The following C1orf21 variants were observed in gnomAD, a reference collection of about 807,000 sequenced individuals.
C1orf21 encodes the protein uncharacterized protein C1orf21.
Under a neutral mutation model 18.7 loss-of-function variants are expected in C1orf21, and 3 were observed. That is an observed-to-expected ratio of 0.16 (90% CI 0.07 to 0.42). The LOEUF (loss-of-function observed/expected upper bound fraction) is 0.42. C1orf21 is among the 10% of genes least tolerant of loss of function. C1orf21 has a pLI of 0.99. For synonymous variants in C1orf21, 41 were observed against 46.4 expected, an observed-to-expected ratio of 0.88 and a Z score of 0.47; for missense variants, 104 against 143.6, an observed-to-expected ratio of 0.72 and a Z score of 1.41.
At chr1:184,504,434 C>A (rs2101962344) in intron 2 of C1orf21, among the ~76,000 whole-genome samples, 1 of 152,230 alleles carries the variant, frequency 6.6e-6, no homozygotes, top group African/African-American at 2.4e-5. Context: ...CAAATTAATC[C>A]CCCATGTCTT....
At chr1:184,434,201 A>G (rs999550427) in intron 1 of C1orf21, among the ~76,000 whole-genome samples, 1 of 152,154 alleles carries the variant, frequency 6.6e-6, no homozygotes, top group African/African-American at 2.4e-5. Context: ...TGACTCTTGA[A>G]TAAACACTGG....
intron 3 of C1orf21, chr1:184,546,009 A>C (rs984054543): frequency 6.6e-6 from 1 of 152,178 alleles, no homozygotes; most frequent in Admixed American, 6.5e-5. Flanking sequence ...CCTTCTTACT[A>C]TCTGTCAAAT....
chr1:184,409,847 C>G (rs1389061603), intron 1 of C1orf21, among the ~76,000 whole-genome samples: 1 of 152,190 alleles, frequency 6.6e-6, no homozygotes, highest in Non-Finnish European at 1.5e-5. Flanking sequence ...TCTAGCAGCA[C>G]TGCAGAGTAG....
At chr1:184,509,828 G>A (rs1382071841) in intron 3 of C1orf21, among the ~76,000 whole-genome samples, 2 of 152,162 alleles carry the variant, frequency 1.3e-5, no homozygotes, top group African/African-American at 4.8e-5. Context: ...CATTGAAGGG[G>A]CTCAGCAAAC....
rs1659919205 is a variant in C1orf21, at chr1:184,621,714, A to G, written c.*2158A>G. 1.3e-5 allele frequency: 2 copies of G among 152,182 alleles called. No individual in the cohort carries two copies. Among genetic ancestry groups the G allele is most frequent in the Non-Finnish European group, 2.9e-5 (2 of 68,036 alleles). The allele number at this position is 152,182 out of a possible 1,614,324, so 9.4% of individuals were successfully genotyped here. ...GTCATTTTTCTCATGGTCACATTTAACAGTTTTGACATGTTATACTTGCGC... is the reference window on the plus strand; with the variant it reads ...GTCATTTTTCTCATGGTCACATTTAGCAGTTTTGACATGTTATACTTGCGC... On this transcript the variant is annotated 3_prime_UTR_variant, in exon 6 of 6. Transcript: ENST00000235307.
rs1659940881 is a variant in C1orf21 at position 184,622,545 on chromosome 1, C to A, written c.*2989C>A. 1 of 152,692 alleles carries A rather than the reference C, an allele frequency of 6.5e-6. No homozygotes were observed. Among genetic ancestry groups the A allele is most frequent in the South Asian group, 2.1e-4 (1 of 4,826 alleles). The allele number at this position is 152,692 out of a possible 1,614,324, so 9.5% of individuals were successfully genotyped here. On this transcript the variant is annotated 3_prime_UTR_variant, in exon 6 of 6. Transcript: ENST00000235307. ...ATTGGCAGAGAACCTTAAAAAAGGCCTTTACCTCAGCGATGCTTCCTAGCC... is the reference window on the plus strand; with the variant it reads ...ATTGGCAGAGAACCTTAAAAAAGGCATTTACCTCAGCGATGCTTCCTAGCC...
chr1:184,484,960 G>A (rs1015589489), intron 2 of C1orf21, among the ~76,000 whole-genome samples: 1 of 151,790 alleles, frequency 6.6e-6, no homozygotes, highest in South Asian at 2.1e-4. Context: ...CTAAAATGCT[G>A]TGAGACCTAT....
At chr1:184,388,447 AATAG>A (rs1295160887) in intron 1 of C1orf21, among the ~76,000 whole-genome samples, 1 of 152,280 alleles carries the variant, frequency 6.6e-6, no homozygotes, top group East Asian at 1.9e-4. Flanking sequence ...ATTGTTTTAA[AATAG>A]ATAGTGCTTG....
chr1:184,435,332 T>C (rs1413927740), intron 1 of C1orf21, among the ~76,000 whole-genome samples: 2 of 152,116 alleles, frequency 1.3e-5, no homozygotes. Flanking sequence ...TTATAAATAG[T>C]ATTTGTTTTT....
At chr1:184,608,569 A>T (rs1053954068) in intron 5 of C1orf21, among the ~76,000 whole-genome samples, 1 of 152,222 alleles carries the variant, frequency 6.6e-6, no homozygotes, top group Non-Finnish European at 1.5e-5. Flanking sequence ...TTATTGGCCA[A>T]TTAGCCAAAT....
At chr1:184,593,109 T>A (rs16823318) in intron 4 of C1orf21, among the ~76,000 whole-genome samples, 19,682 of 152,198 alleles carry the variant, frequency 0.13, 1,432 homozygotes, top group East Asian at 0.2. Context: ...AATGCTTCCC[T>A]TATCTCAGAG....
At chr1:184,430,576 C>CT (rs1289082752) in intron 1 of C1orf21, among the ~76,000 whole-genome samples, 1 of 152,080 alleles carries the variant, frequency 6.6e-6, no homozygotes, top group African/African-American at 2.4e-5. Context: ...TTTATGAGTG[C>CT]TTTTGGGGCT....
intron 1 of C1orf21, among the ~76,000 whole-genome samples, chr1:184,434,034 C>T (rs186171919): frequency 1.5e-4 from 23 of 152,230 alleles, no homozygotes; most frequent in Non-Finnish European, 5.9e-5. Flanking sequence ...CTTAAAACCC[C>T]TGATTCTCCA....
chr1:184,520,812 G>A (rs1658296036), intron 3 of C1orf21, among the ~76,000 whole-genome samples: 1 of 152,136 alleles, frequency 6.6e-6, no homozygotes, highest in Non-Finnish European at 1.5e-5. Flanking sequence ...GGGAAATACA[G>A]AAGTGAATAA....
At chr1:184,563,905 C>CT (rs1373466981) in intron 3 of C1orf21, among the ~76,000 whole-genome samples, 1 of 152,192 alleles carries the variant, frequency 6.6e-6, no homozygotes, top group African/African-American at 2.4e-5. Context: ...GGTTTGGGCT[C>CT]TTGAGCAGTT....
chr1:184,506,129 G>A (rs578070657), intron 2 of C1orf21, among the ~76,000 whole-genome samples: 1 of 151,972 alleles, frequency 6.6e-6, no homozygotes, highest in Non-Finnish European at 1.5e-5. Flanking sequence ...ATTCCTAAAG[G>A]GCTCATTACT....
intron 5 of C1orf21, among the ~76,000 whole-genome samples, chr1:184,610,856 A>C (rs1659725238): frequency 6.6e-6 from 1 of 151,994 alleles, no homozygotes; most frequent in Non-Finnish European, 1.5e-5. Context: ...CAAAAAAAAA[A>C]AAAAAAAGGC....
rs1327314874 is a variant in C1orf21, at chr1:184,623,625, G to A, written c.*4069G>A. ...GATGCCTGGACTCCAGTGTGCCTGT[G>A]AGGGGCTGGGTTAGGCAGTCGGCTG... On this transcript the variant is annotated 3_prime_UTR_variant, in exon 6 of 6. Transcript: ENST00000235307. 1 of 152,528 alleles carries A rather than the reference G, an allele frequency of 6.6e-6. No individual in the cohort carries two copies. The highest frequency in any genetic ancestry group is 1.5e-5 in the Non-Finnish European group (1 of 68,042). 9.4% of individuals were successfully genotyped at this position (152,528 alleles called of 1,614,324 possible). A position where few individuals can be genotyped will look rare whatever the true frequency, so the allele number is the denominator to read the frequency against.
chr1:184,462,263 G>T (rs548007157), intron 1 of C1orf21, among the ~76,000 whole-genome samples: 1 of 152,332 alleles, frequency 6.6e-6, no homozygotes, highest in East Asian at 1.9e-4. Flanking sequence ...TTGTTAGAGG[G>T]TTAAAGATGC....
Sources: gnomAD v4.1 joint callset for allele counts (sites outside exome capture counted in the v4.1 genomes callset) on GRCh38, gnomAD v4.1.1 for gene constraint, MANE v1.5 for transcripts, NCBI Gene and HGNC (gene_info 2026-07-23, HGNC 2026-07-21) for gene names.